Variants in MFN1 observed in about 807,000 individuals in gnomAD.
MFN1 encodes mitofusin-1.
A neutral mutation model predicts 92.4 loss-of-function variants in MFN1; 65 were observed. The ratio of observed to expected loss-of-function variants is 0.70; its 90% CI spans 0.58 to 0.86. The LOEUF is 0.86. MFN1 is among the 40% of genes least tolerant of loss of function. MFN1 has a pLI of 0.00. For missense variants in MFN1, 781 were observed against 868.0 expected, an observed-to-expected ratio of 0.90 and a Z score of 1.26; for synonymous variants, 297 against 300.9, an observed-to-expected ratio of 0.99 and a Z score of 0.13.
At chr3:179,353,125 C>A (rs1385883346) in intron 3 of MFN1, among the ~76,000 whole-genome samples, 1 of 148,874 alleles carries the variant, frequency 6.7e-6, no homozygotes, top group Non-Finnish European at 1.5e-5. Context: ...ACCATCTCGG[C>A]TCACTGCAAC....
chr3:179,375,086 C>A, intron 9 of MFN1, 134 bp from the exon 10 acceptor site: 1 of 1,002,292 alleles, frequency 1.0e-6, no homozygotes, highest in Non-Finnish European at 1.4e-6. Context: ...TTAAGTTGTG[C>A]TTTTATCACT....
At chr3:179,371,740 A>AT (rs1041681256) in intron 9 of MFN1, among the ~76,000 whole-genome samples, 1 of 152,064 alleles carries the variant, frequency 6.6e-6, no homozygotes, top group Non-Finnish European at 1.5e-5. Context: ...ATGTCAGTGG[A>AT]TTTTTTTGTA....
At chr3:179,385,878 A>G (rs1166512385) in intron 15 of MFN1, among the ~76,000 whole-genome samples, 157 bp downstream of exon 15, 2 of 152,226 alleles carry the variant, frequency 1.3e-5, no homozygotes, top group East Asian at 3.8e-4. Context: ...TAAATATCAC[A>G]AGTTTCATCT....
chr3:179,392,949 G>A lies in MFN1; in HGVS notation c.*890G>A, dbSNP rs968589985. The A allele has an allele frequency of 1.3e-5, 2 of 151,922 alleles. No individual in the cohort carries two copies. The highest frequency in any genetic ancestry group is 4.8e-5 in the African/African-American group (2 of 41,342). The allele number at this position is 151,922 out of a possible 1,614,324, so 9.4% of individuals were successfully genotyped here. Reference sequence around the variant, plus strand: ...CAGGATTTCATTAAAAATTATTATTGTATTTTTTACCTTAATGAAAGATTT... The same window carrying A: ...CAGGATTTCATTAAAAATTATTATTATATTTTTTACCTTAATGAAAGATTT... On this transcript the variant is annotated 3_prime_UTR_variant, in exon 18 of 18. Coordinates refer to ENST00000471841, the MANE Select transcript of MFN1 (RefSeq NM_033540.3).
intron 4 of MFN1, 102 bp from the exon 5 acceptor site, chr3:179,362,256 T>G: frequency 1.7e-6 from 2 of 1,175,316 alleles, no homozygotes; most frequent in Non-Finnish European, 1.1e-6. Flanking sequence ...GTTTTACCTT[T>G]TATATACCTG....
intron 3 of MFN1, among the ~76,000 whole-genome samples, chr3:179,358,157 T>TG (rs1553845777): frequency 2.1e-5 from 3 of 141,036 alleles, no homozygotes; most frequent in South Asian, 2.2e-4. Context: ...TTTGTTTTTT[T>TG]TTTTTTTTTT....
intron 15 of MFN1, 87 bp downstream of exon 15, chr3:179,385,808 TA>T (rs1414253845): frequency 3.3e-6 from 4 of 1,223,482 alleles, no homozygotes; most frequent in Non-Finnish European, 4.6e-6. Flanking sequence ...ATACAGTATT[TA>T]CTTCTATTTA....
chr3:179,377,884 G>A (rs6791769), intron 12 of MFN1, among the ~76,000 whole-genome samples: 19,323 of 151,918 alleles, frequency 0.13, 4,072 homozygotes, highest in African/African-American at 0.44. Flanking sequence ...CCAACATGGT[G>A]AAACCCTGTC....
At chr3:179,373,580 T>C (rs1577010750) in intron 9 of MFN1, among the ~76,000 whole-genome samples, 1 of 152,170 alleles carries the variant, frequency 6.6e-6, no homozygotes, top group South Asian at 2.1e-4. Context: ...AAAACATCTA[T>C]AGTACTTACT....
At position 179,383,074 on chromosome 3, in the gene MFN1, G is replaced by T. The variant is rs988745279; in HGVS notation, c.1663-2495G>T. Reference sequence around the variant, plus strand: ...CTGTGCAGAAGCTCTTTAGTTTAATGAGATCCCATTTGTCAATTTTGGCTT... The same window carrying T: ...CTGTGCAGAAGCTCTTTAGTTTAATTAGATCCCATTTGTCAATTTTGGCTT... On this transcript the variant is annotated intron_variant, in intron 14 of 17. Coordinates refer to ENST00000471841, the MANE Select transcript of MFN1 (RefSeq NM_033540.3). 4.1e-4 allele frequency among the ~76,000 whole-genome samples: 63 copies of T among 152,170 alleles called. 2 individuals are homozygous for T. The highest frequency in any genetic ancestry group is 3.3e-4 in the Admixed American group (5 of 15,278).
chr3:179,370,968 T>C (rs933409092), intron 9 of MFN1, among the ~76,000 whole-genome samples: 1 of 152,246 alleles, frequency 6.6e-6, no homozygotes, highest in African/African-American at 2.4e-5. Context: ...CTTTGTGTTG[T>C]GGTCACATCA....
At chr3:179,353,220 A>ATTT (rs34658521) in intron 3 of MFN1, among the ~76,000 whole-genome samples, 11 of 130,892 alleles carry the variant, frequency 8.4e-5, no homozygotes, top group African/African-American at 3.1e-4. Flanking sequence ...CACCTGGCTA[A>ATTT]TTTTTTTTTT....
At chr3:179,369,227 A>G (rs1230505687) in intron 9 of MFN1, among the ~76,000 whole-genome samples, 1 of 151,616 alleles carries the variant, frequency 6.6e-6, no homozygotes, top group African/African-American at 2.4e-5. Flanking sequence ...TTTTTCTCTT[A>G]AAGAAATGGG....
At chr3:179,379,573 CG>C in intron 14 of MFN1, among the ~76,000 whole-genome samples, 1 of 152,218 alleles carries the variant, frequency 6.6e-6, no homozygotes, top group African/African-American at 2.4e-5. Context: ...AGACTGGTCT[CG>C]AACTCCTGAC....
chr3:179,355,270 C>T (rs979608707), intron 3 of MFN1, among the ~76,000 whole-genome samples: 18 of 152,276 alleles, frequency 1.2e-4, no homozygotes, highest in South Asian at 1.0e-3. Flanking sequence ...CTTTTATCAG[C>T]AAGGTCTTTG....
At chr3:179,358,150 G>GTTT (rs771740459) in intron 3 of MFN1, among the ~76,000 whole-genome samples, 2,217 of 119,634 alleles carry the variant, frequency 0.019, 143 homozygotes, top group African/African-American at 0.063. Flanking sequence ...CACTCATTTT[G>GTTT]TTTTTTTTTT....
At chr3:179,384,899 CCTTT>C (rs1247865593) in intron 14 of MFN1, among the ~76,000 whole-genome samples, 1 of 130,256 alleles carries the variant, frequency 7.7e-6, no homozygotes, top group East Asian at 2.1e-4. Flanking sequence ...ATTTTGAAGT[CCTTT>C]TTTTTTTTTT....
intron 3 of MFN1, among the ~76,000 whole-genome samples, chr3:179,357,891 C>T (rs1712405348): frequency 6.6e-6 from 1 of 152,110 alleles, no homozygotes; most frequent in African/African-American, 2.4e-5. Context: ...GGCTCAACAA[C>T]TGATGGTTGA....
intron 1 of MFN1, chr3:179,348,165 G>T (rs1711991840): frequency 6.6e-6 from 1 of 152,390 alleles, no homozygotes; most frequent in African/African-American, 2.4e-5. Flanking sequence ...CCCCCACCCG[G>T]CTTTTCCCAC....
Sources: gnomAD v4.1 joint callset for allele counts (sites outside exome capture counted in the v4.1 genomes callset) on GRCh38, gnomAD v4.1.1 for gene constraint, MANE v1.5 for transcripts, NCBI Gene and HGNC (gene_info 2026-07-23, HGNC 2026-07-21) for gene names.